The following TBC1D14 variants were observed in gnomAD, a reference collection of about 807,000 sequenced individuals.
The protein encoded by TBC1D14 is TBC1 domain family member 14.
A neutral mutation model predicts 79.0 loss-of-function variants in TBC1D14; 26 were observed. That is an observed-to-expected ratio of 0.33 (90% CI 0.24 to 0.46). The LOEUF is 0.46. TBC1D14 is among the 20% of genes least tolerant of loss of function. The pLI is 1.00. For missense variants in TBC1D14, 769 were observed against 887.6 expected (o/e 0.87, Z 1.70); for synonymous variants, 394 against 349.9 (o/e 1.13, Z -1.40).
At chr4:6,969,663 C>T (rs1258089855) in intron 3 of TBC1D14, among the ~76,000 whole-genome samples, 7 of 152,050 alleles carry the variant, frequency 4.6e-5, no homozygotes, top group Admixed American at 4.6e-4. Context: ...CCTCGGCCTC[C>T]CAAAGTGCTG....
chr4:6,977,160 C>A (rs111354049), intron 3 of TBC1D14, among the ~76,000 whole-genome samples: 1 of 81,362 alleles, frequency 1.2e-5, no homozygotes, highest in African/African-American at 4.4e-5. Context: ...ACGGTCTCCC[C>A]CTGATGCCGA....
At chr4:7,001,789 G>A (rs1299792174) in intron 7 of TBC1D14, among the ~76,000 whole-genome samples, 1 of 152,148 alleles carries the variant, frequency 6.6e-6, no homozygotes, top group African/African-American at 2.4e-5. Flanking sequence ...TCCTCCCTCA[G>A]GCTGAATTCA....
intron 12 of TBC1D14, among the ~76,000 whole-genome samples, chr4:7,017,585 A>G (rs1721410471): frequency 6.6e-6 from 1 of 152,198 alleles, no homozygotes. Context: ...ATGAAAAGGA[A>G]GTGGCAAGGG....
chr4:6,973,281 A>G (rs4234793), intron 3 of TBC1D14, among the ~76,000 whole-genome samples: 122,763 of 151,854 alleles, frequency 0.81, 49,876 homozygotes, highest in East Asian at 0.98. Context: ...CACCTCTGAG[A>G]AGTCTGGGGT....
At chr4:7,021,943 G>A (rs560940314) in intron 12 of TBC1D14, among the ~76,000 whole-genome samples, 3 of 152,300 alleles carry the variant, frequency 2.0e-5, no homozygotes, top group East Asian at 3.9e-4. Context: ...CCCTTGTTCC[G>A]ACCGGTTCTG....
chr4:6,924,829 G>C (rs1724157073), intron 2 of TBC1D14, among the ~76,000 whole-genome samples: 2 of 152,202 alleles, frequency 1.3e-5, no homozygotes, highest in Admixed American at 1.3e-4. Context: ...GTTCTAGGCT[G>C]GTCATGTGGG....
At chr4:6,956,481 T>A (rs912390275) in intron 2 of TBC1D14, among the ~76,000 whole-genome samples, 4 of 152,262 alleles carry the variant, frequency 2.6e-5, no homozygotes, top group Non-Finnish European at 5.9e-5. Flanking sequence ...TGATGGCTCC[T>A]GCGCACGCGC....
Position 6,934,657 on chromosome 4 carries a change from C to CA in TBC1D14, c.722+10553dup, listed in dbSNP as rs199916032. On this transcript the variant is annotated intron_variant, in intron 2 of 13. Transcript: ENST00000409757. ...TGGGCGACAGAGCGAGACTCTGTCT[C>CA]AAAAAAACAAAAAAGGAAAAAATGA... is the stretch of plus-strand genomic sequence containing the variant. 3.0e-3 allele frequency among the ~76,000 whole-genome samples: 382 copies of CA among 128,340 alleles called. 2 individuals carry two copies. Among genetic ancestry groups the CA allele is most frequent in the South Asian group, 0.017 (65 of 3,726 alleles). The allele number at this position is 128,340 out of a possible 152,430, so 84.2% of individuals were successfully genotyped here. A position where few individuals can be genotyped will look rare whatever the true frequency, so the allele number is the denominator to read the frequency against.
chr4:7,023,971 C>T (rs1431181824), intron 12 of TBC1D14, among the ~76,000 whole-genome samples: 3 of 152,194 alleles, frequency 2.0e-5, no homozygotes, highest in Non-Finnish European at 2.9e-5. Context: ...TTAGAAGGTT[C>T]TGATGAGGGA....
chr4:7,010,173 A>G (rs990311533), intron 10 of TBC1D14, among the ~76,000 whole-genome samples: 16 of 152,250 alleles, frequency 1.1e-4, no homozygotes, highest in African/African-American at 3.6e-4. Flanking sequence ...ATCGAATGCA[A>G]TTTTCATTTT....
chr4:6,978,150 C>T (rs760442229), intron 3 of TBC1D14, among the ~76,000 whole-genome samples: 2,113 of 146,184 alleles, frequency 0.014, 23 homozygotes, highest in Non-Finnish European at 0.021. Context: ...CTAGCCGCCC[C>T]GTCCGGGAGG....
chr4:7,030,445 C>T lies in TBC1D14; in HGVS notation c.*53C>T, dbSNP rs1722944679. ...CCAATCAGAGCCCCATGCCGCGGCC[C>T]CTCTGTTGTTTCAGACTGACACCCG... On this transcript the variant is annotated 3_prime_UTR_variant, in exon 14 of 14. Transcript: ENST00000409757. 2 of 1,593,868 alleles carry T rather than the reference C, an allele frequency of 1.3e-6. No individual in the cohort carries two copies. Among genetic ancestry groups the T allele is most frequent in the East Asian group, 2.2e-5 (1 of 44,538 alleles).
chr4:6,996,481 C>G, intron 5 of TBC1D14, 74 bp downstream of exon 5: 1 of 1,178,502 alleles, frequency 8.5e-7, no homozygotes, highest in Non-Finnish European at 1.2e-6. Context: ...TTTCTTTTTA[C>G]CATTTGGAGT....
At chr4:7,019,925 T>C (rs1455749870) in intron 12 of TBC1D14, among the ~76,000 whole-genome samples, 1 of 111,452 alleles carries the variant, frequency 9.0e-6, no homozygotes, top group Non-Finnish European at 1.9e-5. Flanking sequence ...GGGCTCAGGT[T>C]AGGGAGGACC....
intron 12 of TBC1D14, among the ~76,000 whole-genome samples, chr4:7,021,791 T>G (rs1228712959): frequency 6.6e-6 from 1 of 152,246 alleles, no homozygotes; most frequent in Non-Finnish European, 1.5e-5. Context: ...AGAAAAACCC[T>G]TGAATTCTGT....
intron 2 of TBC1D14, among the ~76,000 whole-genome samples, chr4:6,946,996 A>G (rs149135534): frequency 1.3e-5 from 2 of 152,206 alleles, no homozygotes; most frequent in African/African-American, 4.8e-5. Context: ...ATAAATTAGT[A>G]TTTTTCTTAG....
At chr4:7,028,476 G>T (rs1722697493) in intron 13 of TBC1D14, among the ~76,000 whole-genome samples, 1 of 151,792 alleles carries the variant, frequency 6.6e-6, no homozygotes, top group Non-Finnish European at 1.5e-5. Context: ...GCCCAGGCTG[G>T]AGTGCAGTGG....
intron 2 of TBC1D14, among the ~76,000 whole-genome samples, chr4:6,937,483 G>A (rs1712451461): frequency 1.7e-5 from 2 of 117,648 alleles, no homozygotes; most frequent in Non-Finnish European, 4.0e-5. Context: ...TTGGGTGGGG[G>A]CACAAACCCT....
intron 3 of TBC1D14, chr4:6,987,286 C>A: frequency 7.4e-7 from 1 of 1,347,258 alleles, no homozygotes; most frequent in South Asian, 1.8e-5. Flanking sequence ...GGGAGGGAGG[C>A]CGGCCCTCCG....
Sources: allele counts gnomAD v4.1 joint callset (sites outside exome capture counted in the v4.1 genomes callset), GRCh38; gene constraint gnomAD v4.1.1; transcripts MANE v1.5; gene names NCBI Gene and HGNC (gene_info 2026-07-23, HGNC 2026-07-21).